The following MAP7 variants were observed in gnomAD, a reference collection of about 807,000 sequenced individuals.
MAP7 encodes the protein ensconsin.
A neutral mutation model predicts 94.8 loss-of-function variants in MAP7; 52 were observed. The ratio of observed to expected loss-of-function variants is 0.55; its 90% CI spans 0.44 to 0.69. The LOEUF (loss-of-function observed/expected upper bound fraction) is 0.69. Among genes scored for constraint, MAP7 ranks in the 30% least tolerant of loss-of-function variants. The pLI, the probability that MAP7 is intolerant of heterozygous loss-of-function variation, is 0.00. For missense variants in MAP7, 940 were observed against 964.6 expected (o/e 0.97, Z 0.34); for synonymous variants, 350 against 357.0 (o/e 0.98, Z 0.22).
intron 1 of MAP7, chr6:136,525,744 A>AG: frequency 1.4e-6 from 2 of 1,394,776 alleles, no homozygotes; most frequent in South Asian, 2.9e-5. Flanking sequence ...AGCATGCACG[A>AG]GCAGCACAGT....
intron 1 of MAP7, among the ~76,000 whole-genome samples, chr6:136,521,341 G>A (rs1395405298): frequency 1.3e-5 from 2 of 152,188 alleles, no homozygotes; most frequent in East Asian, 3.8e-4. Context: ...ATGTCATAGT[G>A]GCACGCTATG....
chr6:136,387,369 C>T (rs1582755095), intron 5 of MAP7, among the ~76,000 whole-genome samples: 1 of 151,930 alleles, frequency 6.6e-6, no homozygotes, highest in South Asian at 2.1e-4. Flanking sequence ...AATAGAAAAC[C>T]AAAATGATTG....
chr6:136,524,521 T>C (rs1827299521), intron 1 of MAP7, among the ~76,000 whole-genome samples: 2 of 152,182 alleles, frequency 1.3e-5, no homozygotes, highest in Non-Finnish European at 2.9e-5. Context: ...TCACATTAAG[T>C]CACCCTCCAG....
At position 136,366,307 on chromosome 6, in the gene MAP7, G is replaced by T; in HGVS notation, c.989+20C>A. 6.3e-7 allele frequency: 1 copy of T among 1,578,392 alleles called. No homozygotes were observed. The highest frequency in any genetic ancestry group is 8.7e-7 in the Non-Finnish European group (1 of 1,147,488). On this transcript the variant is annotated intron_variant, in intron 9 of 17. Transcript: ENST00000354570. ...TCTCTAACATGAAACAACCCAGCCA[G>T]CCACTTATATTTCACTTACCAAAGT... is the stretch of plus-strand genomic sequence containing the variant.
intron 1 of MAP7, among the ~76,000 whole-genome samples, chr6:136,448,079 C>A (rs1393800983): frequency 6.6e-6 from 1 of 152,044 alleles, no homozygotes; most frequent in Non-Finnish European, 1.5e-5. Flanking sequence ...GTAATCCCAG[C>A]TATTTAGGAG....
chr6:136,383,229 C>A (rs1329176324), intron 6 of MAP7, among the ~76,000 whole-genome samples: 1 of 151,944 alleles, frequency 6.6e-6, no homozygotes, highest in African/African-American at 2.4e-5. Context: ...AGTAAATTGG[C>A]AAAATAAAAT....
At chr6:136,396,342 G>A (rs1271062356) in intron 3 of MAP7, among the ~76,000 whole-genome samples, 1 of 151,776 alleles carries the variant, frequency 6.6e-6, no homozygotes, top group Non-Finnish European at 1.5e-5. Context: ...TTGCTTTCTT[G>A]ATTTCTTTTT....
chr6:136,404,811 G>A (rs554301248), intron 3 of MAP7, among the ~76,000 whole-genome samples: 8 of 152,294 alleles, frequency 5.3e-5, no homozygotes, highest in Middle Eastern at 3.4e-3. Context: ...CTGCTCAAGC[G>A]TAGAGTACTG....
At chr6:136,444,878 T>C (rs1217506063) in intron 1 of MAP7, among the ~76,000 whole-genome samples, 2 of 152,214 alleles carry the variant, frequency 1.3e-5, no homozygotes, top group Non-Finnish European at 2.9e-5. Context: ...ATTCTGGGCC[T>C]TTCATGCCTA....
rs1023318055 is a variant in MAP7 at position 136,354,386 on chromosome 6, T to C, written c.2015+2306A>G. Among the ~76,000 whole-genome samples, 62 of 143,200 alleles carry C rather than the reference T, an allele frequency of 4.3e-4. 1 individual carries two copies. The highest frequency in any genetic ancestry group is 1.5e-3 in the African/African-American group (58 of 39,004). The allele number at this position is 143,200 out of a possible 152,430, so 93.9% of individuals were successfully genotyped here. ...TAGTAGATATATATAAAAATATATA[T>C]AGTAGATATATATATATAGTAGATA... On this transcript the variant is annotated intron_variant, in intron 16 of 17. Transcript: ENST00000354570.
chr6:136,532,215 G>A (rs767388559), intron 1 of MAP7, among the ~76,000 whole-genome samples: 1 of 152,154 alleles, frequency 6.6e-6, no homozygotes, highest in Non-Finnish European at 1.5e-5. Flanking sequence ...CAGTGGAATC[G>A]GCAGACACCA....
chr6:136,389,661 C>T (rs955016851), intron 3 of MAP7, 144 bp from the exon 4 acceptor site: 6 of 679,272 alleles, frequency 8.8e-6, no homozygotes, highest in Non-Finnish European at 1.5e-5. Context: ...ATGGCCTTTG[C>T]TTCCCTCAAA....
chr6:136,518,222 T>C (rs181176523), intron 1 of MAP7, among the ~76,000 whole-genome samples: 11 of 152,212 alleles, frequency 7.2e-5, no homozygotes, highest in Non-Finnish European at 1.5e-4. Flanking sequence ...CCCCAAACCA[T>C]ATATATTCAA....
At chr6:136,525,832 CT>C (rs1827667990) in intron 1 of MAP7, 1 of 1,534,412 alleles carries the variant, frequency 6.5e-7, no homozygotes, top group African/African-American at 1.4e-5. Context: ...TAATGCATAC[CT>C]TTTGGTCTTC....
At chr6:136,529,942 A>G (rs1254914479) in intron 1 of MAP7, among the ~76,000 whole-genome samples, 1 of 152,166 alleles carries the variant, frequency 6.6e-6, no homozygotes, top group Non-Finnish European at 1.5e-5. Context: ...TGGGGAAGTA[A>G]GCTCATGACT....
chr6:136,413,410 T>C (rs1445560061), intron 2 of MAP7, among the ~76,000 whole-genome samples: 8 of 150,502 alleles, frequency 5.3e-5, no homozygotes, highest in African/African-American at 9.8e-5. Flanking sequence ...TAGTCCCAGC[T>C]ACTCAGGAAG....
chr6:136,423,949 C>T (rs899626230), intron 1 of MAP7, among the ~76,000 whole-genome samples: 1 of 152,074 alleles, frequency 6.6e-6, no homozygotes, highest in South Asian at 2.1e-4. Context: ...GCATGCGCCA[C>T]CACGCCTGGA....
chr6:136,502,354 A>C (rs1305171229), intron 1 of MAP7, among the ~76,000 whole-genome samples: 1 of 152,262 alleles, frequency 6.6e-6, no homozygotes, highest in East Asian at 1.9e-4. Flanking sequence ...CCAGATAAGT[A>C]TACTACATTC....
intron 3 of MAP7, among the ~76,000 whole-genome samples, chr6:136,390,754 C>T (rs577776135): frequency 2.0e-5 from 3 of 152,248 alleles, no homozygotes; most frequent in African/African-American, 7.2e-5. Context: ...ATTTCTGATA[C>T]CATTAAATCT....
Sources: allele counts gnomAD v4.1 joint callset (sites outside exome capture counted in the v4.1 genomes callset), GRCh38; gene constraint gnomAD v4.1.1; transcripts MANE v1.5; gene names NCBI Gene and HGNC (gene_info 2026-07-23, HGNC 2026-07-21).